The following PLCD3 variants were observed in gnomAD, a reference collection of about 807,000 sequenced individuals.
PLCD3 encodes phospholipase C delta 3.
PLCD3 carries 62 observed loss-of-function variants against 82.8 expected under a neutral mutation model. The observed-to-expected ratio is 0.75, with a 90% CI of 0.61 to 0.93. The LOEUF (loss-of-function observed/expected upper bound fraction) is 0.93, where lower values mean the gene tolerates loss of function less well. Among genes scored for constraint, PLCD3 ranks in the 40% least tolerant of loss-of-function variants. PLCD3 has a pLI of 0.00. For synonymous variants in PLCD3, 478 were observed against 471.8 expected, an observed-to-expected ratio of 1.01 and a Z score of -0.17; for missense variants, 1,023 against 1,103.4, an observed-to-expected ratio of 0.93 and a Z score of 1.03.
chr17:45,119,078 A>G (rs1201213935), intron 4 of PLCD3, 35 bp from the exon 5 acceptor site: 1 of 1,536,434 alleles, frequency 6.5e-7, no homozygotes, highest in Non-Finnish European at 8.8e-7. Flanking sequence ...GAGGAGGCAG[A>G]CACTCCAGGA....
Position 45,118,394 on chromosome 17 carries a change from C to G in PLCD3, c.1012G>C (p.Asp338His). The G allele has an allele frequency of 6.2e-7, 1 of 1,614,038 alleles. No individual in the cohort carries two copies. The highest frequency in any genetic ancestry group is 1.6e-4 in the Middle Eastern group (1 of 6,062). The change falls in exon 6 of 15, where the codon GAC (aspartate) becomes CAC (histidine). Residue 338 changes from aspartate to histidine, a missense_variant. Physicochemically the swap from Asp to His is moderately conservative, Grantham distance 81. Coordinates refer to ENST00000619929, the MANE Select transcript of PLCD3 (RefSeq NM_133373.5). The surrounding 1 kb of genome is among the most constrained non-coding windows in gnomAD (Gnocchi z 4.1). ...TAGTGGGCAAGGGGCTGGTTCATGT[C>G]CTGGAACACACACGTGTGGGTGTTG... ...LDNTHTCVFQ[D>H]MNQPLAHYFI...
At chr17:45,131,672 CCA>C (rs1047470350) in intron 1 of PLCD3, among the ~76,000 whole-genome samples, 7 of 152,242 alleles carry the variant, frequency 4.6e-5, no homozygotes, top group African/African-American at 1.7e-4. Context: ...TTCCAATGAG[CCA>C]CAGTTACATT....
rs992837146 is a variant in PLCD3, at chr17:45,110,055, G to A, written c.*2561C>T. Reference sequence around the variant, plus strand: ...GTCGTGCCACTGCACTCTAGCCTAGGCGACAGAGCGAGACTCCATCTCAAA... The same window carrying A: ...GTCGTGCCACTGCACTCTAGCCTAGACGACAGAGCGAGACTCCATCTCAAA... On this transcript the variant is annotated 3_prime_UTR_variant, in exon 15 of 15. Transcript: ENST00000619929. 3.9e-5 allele frequency: 6 copies of A among 152,034 alleles called. No homozygotes were observed. The highest frequency in any genetic ancestry group is 1.5e-4 in the African/African-American group (6 of 41,304). The allele number at this position is 152,034 out of a possible 1,614,324, so 9.4% of individuals were successfully genotyped here. A position where few individuals can be genotyped will look rare whatever the true frequency, so the allele number is the denominator to read the frequency against.
chr17:45,121,711 C>T, intron 1 of PLCD3, among the ~76,000 whole-genome samples: 1 of 152,230 alleles, frequency 6.6e-6, no homozygotes. Context: ...CCCTTTCTGG[C>T]AGGGCGCGGT....
At position 45,112,234 on chromosome 17, in the gene PLCD3, A is replaced by G; in HGVS notation, c.*382T>C. The G allele has an allele frequency of 4.3e-6, 1 of 232,202 alleles. No homozygotes were observed. Among genetic ancestry groups the G allele is most frequent in the Non-Finnish European group, 8.6e-6 (1 of 116,536 alleles). 14.4% of individuals were successfully genotyped at this position (232,202 alleles called of 1,614,324 possible). ...TGGAGTGACTGCGCTCCTCTGGGGG[A>G]AGGAGGCTGGGATGGCCCACGGGAG... is the stretch of plus-strand genomic sequence containing the variant. On this transcript the variant is annotated 3_prime_UTR_variant, in exon 15 of 15. Coordinates refer to ENST00000619929, the MANE Select transcript of PLCD3 (RefSeq NM_133373.5).
In PLCD3 at chr17:45,112,888, TGTAAACTGGC is replaced by T. The variant is rs1567876716; in HGVS notation, c.2246_2255del (p.Gly749AspfsTer7). 1 of 1,612,536 alleles carries T rather than the reference TGTAAACTGGC, an allele frequency of 6.2e-7. No individual in the cohort carries two copies. The highest frequency in any genetic ancestry group is 1.1e-5 in the South Asian group (1 of 90,698). On this transcript the variant is annotated frameshift_variant, in exon 14 of 15. Transcript: ENST00000619929. LOFTEE classifies it high-confidence loss of function. ...CTTGCTTTAGGCTGCTAAGAGGCAGTGTAAACTGGCCCACAAAGTCATTGGGGGAGGTGGC... is the reference window on the plus strand; with the variant it reads ...CTTGCTTTAGGCTGCTAAGAGGCAGTCCACAAAGTCATTGGGGGAGGTGGC...
At chr17:45,114,186 A>G in intron 11 of PLCD3, 64 bp downstream of exon 11, 1 of 1,252,574 alleles carries the variant, frequency 8.0e-7, no homozygotes, top group Non-Finnish European at 1.1e-6. Context: ...TGGGCCCCTC[A>G]CTGCTGAGGC....
chr17:45,118,912 G>A lies in PLCD3; in HGVS notation c.816C>T (p.Ala272=), dbSNP rs748613995. The A allele has an allele frequency of 3.7e-6, 6 of 1,612,702 alleles. No individual in the cohort carries two copies. Among genetic ancestry groups the A allele is most frequent in the Non-Finnish European group, 5.1e-6 (6 of 1,179,816 alleles). The change falls in exon 5 of 15, where the codon GCC becomes GCT. Residue 272 remains alanine (A), a synonymous_variant. Transcript: ENST00000619929. This position sits in a 1 kb window ranked among gnomAD's most constrained non-coding sequence, Gnocchi z 4.1. ...QYSGEDRVLS[A]PELLEFLEDQ... is the part of the protein sequence containing the mutation. Reference sequence around the variant, plus strand: ...CCTCCAGGAACTCCAGCAGCTCAGGGGCACTCAGCACGCGGTCCTCGCCCG... The same window carrying A: ...CCTCCAGGAACTCCAGCAGCTCAGGAGCACTCAGCACGCGGTCCTCGCCCG...
chr17:45,126,166 C>A (rs1178898824), intron 1 of PLCD3, among the ~76,000 whole-genome samples: 1 of 149,924 alleles, frequency 6.7e-6, no homozygotes, highest in Non-Finnish European at 1.5e-5. Flanking sequence ...GCCTCAGCCT[C>A]CTGAGTAGCT....
In PLCD3 at chr17:45,121,165, G is replaced by T. The variant is rs899233698; in HGVS notation, c.326-35C>A. 9 of 1,532,242 alleles carry T rather than the reference G, an allele frequency of 5.9e-6. No homozygotes were observed. In the East Asian group the frequency reaches 2.2e-4, roughly 37 times the overall value. The allele number at this position is 1,532,242 out of a possible 1,614,324, so 94.9% of individuals were successfully genotyped here. The stretch of plus-strand genomic sequence containing the variant: ...GGGCCGGGTCAGGGCGGAGGACCGG[G>T]CCTGTCCCCACCTCCCTGTCCGCCC... On this transcript the variant is annotated intron_variant, in intron 2 of 14. Coordinates refer to ENST00000619929, the MANE Select transcript of PLCD3 (RefSeq NM_133373.5).
At chr17:45,117,615 T>A (rs572863548) in intron 7 of PLCD3, among the ~76,000 whole-genome samples, 4 of 152,200 alleles carry the variant, frequency 2.6e-5, no homozygotes, top group Non-Finnish European at 5.9e-5. Context: ...CATTTGCTGA[T>A]GGGAAGATTT....
In PLCD3 at chr17:45,115,180, G is replaced by C. The variant is rs2054279017; in HGVS notation, c.1625C>G (p.Thr542Ser). The C allele has an allele frequency of 3.1e-6, 5 of 1,592,218 alleles. No individual in the cohort carries two copies. Among genetic ancestry groups the C allele is most frequent in the Non-Finnish European group, 4.3e-6 (5 of 1,169,436 alleles). Residue 542 changes from threonine (T) to serine (S), a missense_variant, in exon 10 of 15, where the codon ACC becomes AGC. Thr to Ser is a moderately conservative substitution (Grantham distance 58, BLOSUM62 1). This residue lies in a region of PLCD3 where 553 missense variants were observed against 655.7 expected (regional missense o/e 0.84). Transcript: ENST00000619929. ...AVYCHATRLR[T>S]LHPAPNAPQP... The stretch of plus-strand genomic sequence containing the variant: ...TGGGGCGTTGGGGGCAGGGTGCAGG[G>C]TCCGCAGGCGGGTGGCGTGGCAGTA...
Position 45,132,452 on chromosome 17 carries a change from G to A in PLCD3, c.-42C>T. ...GGGGCCGGGCCCGGGGTCTGCACGC[G>A]GGGACAGGGCAGCGGGGCGCCGCTC... On this transcript the variant is annotated 5_prime_UTR_variant, in exon 1 of 15. Transcript: ENST00000619929. The surrounding 1 kb of genome is among the most constrained non-coding windows in gnomAD (Gnocchi z 4.6). The A allele has an allele frequency of 1.7e-6, 2 of 1,155,434 alleles. No individual in the cohort carries two copies. Among genetic ancestry groups the A allele is most frequent in the Non-Finnish European group, 2.1e-6 (2 of 930,958 alleles). 71.6% of individuals were successfully genotyped at this position (1,155,434 alleles called of 1,614,324 possible).
rs755003328 is a variant in PLCD3 at position 45,115,412 on chromosome 17, G to C, written c.1492C>G (p.Arg498Gly). ...RSEDGRALSD[R>G]EEEEEDDEEE... ...TCGTCATCCTCCTCCTCCTCCTCCCGATCCGACAGAGCCCGGCCATCCTCG... is the reference window on the plus strand; with the variant it reads ...TCGTCATCCTCCTCCTCCTCCTCCCCATCCGACAGAGCCCGGCCATCCTCG... The change falls in exon 9 of 15, where the codon CGG becomes GGG. Residue 498 changes from arginine to glycine, a missense_variant. Transcript: ENST00000619929. 18 of 1,543,666 alleles carry C rather than the reference G, an allele frequency of 1.2e-5. No individual in the cohort carries two copies. Among genetic ancestry groups the C allele is most frequent in the Non-Finnish European group, 1.6e-5 (18 of 1,137,910 alleles).
chr17:45,113,562 A>C lies in PLCD3; in HGVS notation c.1872T>G (p.Asn624Lys). The change falls in exon 12 of 15, where the codon AAT (asparagine) becomes AAG (lysine). Residue 624 changes from asparagine (N) to lysine (K), a missense_variant. Physicochemically the swap from Asn to Lys is moderately conservative, Grantham distance 94. Transcript: ENST00000619929. Reference protein sequence around the residue: ...FQTPGYEMDLNAGRFLVNGQC... With the variant: ...FQTPGYEMDLKAGRFLVNGQC... The stretch of plus-strand genomic sequence containing the variant: ...GCCCATTGACTAGGAAGCGCCCGGC[A>C]TTGAGGTCCATCTCGTAGCCTGGCG... 1 of 1,559,796 alleles carries C rather than the reference A, an allele frequency of 6.4e-7. No individual in the cohort carries two copies. Among genetic ancestry groups the C allele is most frequent in the Non-Finnish European group, 8.7e-7 (1 of 1,151,936 alleles).
Position 45,116,769 on chromosome 17 carries a change from C to T in PLCD3, c.1276G>A (p.Val426Ile). The change falls in exon 8 of 15, where the codon GTC (valine) becomes ATC (isoleucine). Residue 426 changes from valine to isoleucine, a missense_variant. This residue lies in a region of PLCD3 where 553 missense variants were observed against 655.7 expected (regional missense o/e 0.84). Transcript: ENST00000619929. ...CAGTGGTTCTCCAGGGATAGGATGA[C>T]AGGGTAAGGGGACAGCTGTGGGGGG... Reference protein sequence around the residue: ...DHAFTLSPYPVILSLENHCGL... With the variant: ...DHAFTLSPYPIILSLENHCGL... The T allele has an allele frequency of 6.2e-7, 1 of 1,603,844 alleles. No individual in the cohort carries two copies. The highest frequency in any genetic ancestry group is 1.7e-5 in the Admixed American group (1 of 59,268).
intron 1 of PLCD3, among the ~76,000 whole-genome samples, chr17:45,127,886 G>A (rs572193288): frequency 2.8e-4 from 42 of 152,210 alleles, no homozygotes; most frequent in African/African-American, 8.7e-4. Flanking sequence ...GGAAATAGGC[G>A]GCTCGCACTC....
intron 1 of PLCD3, among the ~76,000 whole-genome samples, chr17:45,123,879 G>A (rs752756846): frequency 2.0e-5 from 3 of 152,052 alleles, no homozygotes; most frequent in South Asian, 2.1e-4. Flanking sequence ...TGGTCAGGAA[G>A]GGGAAAGTGG....
At chr17:45,122,537 A>G (rs11652187) in intron 1 of PLCD3, among the ~76,000 whole-genome samples, 65,927 of 151,882 alleles carry the variant, frequency 0.43, 14,798 homozygotes, top group South Asian at 0.58. Context: ...TAGTGCTTCT[A>G]AATTCCGAAG....
Sources: allele counts gnomAD v4.1 joint callset (sites outside exome capture counted in the v4.1 genomes callset), GRCh38; gene constraint gnomAD v4.1.1; regional missense constraint gnomAD v4.1.1; non-coding constraint Gnocchi (gnomAD v3.1); transcripts MANE v1.5; gene names NCBI Gene and HGNC (gene_info 2026-07-23, HGNC 2026-07-21).